RADIL: variants seen among roughly 807,000 people sequenced by gnomAD.
RADIL encodes the protein ras-associating and dilute domain-containing protein.
In RADIL, 99 loss-of-function variants were observed where a neutral mutation model predicts 97.6. That is an observed-to-expected ratio of 1.01 (90% confidence interval 0.86 to 1.20). RADIL has a LOEUF of 1.20. Ranked by LOEUF, RADIL falls within the 50% of genes most tolerant of loss-of-function variation. RADIL has a pLI of 0.00. For synonymous variants in RADIL, 803 were observed against 691.8 expected, an observed-to-expected ratio of 1.16 and a Z score of -2.52; for missense variants, 1,765 against 1,498.9, an observed-to-expected ratio of 1.18 and a Z score of -2.93.
At chr7:4,820,927 G>C (rs889769811) in intron 6 of RADIL, among the ~76,000 whole-genome samples, 2 of 152,142 alleles carry the variant, frequency 1.3e-5, no homozygotes, top group Non-Finnish European at 2.9e-5. Context: ...CCTAAGGCAT[G>C]GGGGGGCACA....
In RADIL at chr7:4,803,574, C is replaced by T. The variant is rs919918622; in HGVS notation, c.2471G>A (p.Ser824Asn). 4.5e-6 allele frequency: 7 copies of T among 1,545,522 alleles called. No homozygotes were observed. Among genetic ancestry groups the T allele is most frequent in the Admixed American group, 2.0e-5 (1 of 50,920 alleles). Reference protein sequence around the residue: ...ASPGSPGRPGSGASQPVCPEG... With the variant: ...ASPGSPGRPGNGASQPVCPEG... The stretch of plus-strand genomic sequence containing the variant: ...GGGGCACACTGGCTGGGAGGCCCCA[C>T]TGCCAGGCCTGCCAGGGCTGCCGGG... The change falls in exon 11 of 15, where the codon AGT becomes AAT. Residue 824 changes from serine to asparagine, a missense_variant. Coordinates refer to ENST00000399583, the MANE Select transcript of RADIL (RefSeq NM_018059.5).
intron 10 of RADIL, chr7:4,803,992 A>G: frequency 1.7e-6 from 1 of 597,086 alleles, no homozygotes. Context: ...GACTGAGAAC[A>G]AGGCCTTGTA....
chr7:4,862,059 C>G (rs938031620), intron 2 of RADIL: 6 of 381,906 alleles, frequency 1.6e-5, no homozygotes, highest in Non-Finnish European at 2.8e-5. Flanking sequence ...CCTGCGCACC[C>G]GCCGCCAGCG....
intron 13 of RADIL, 48 bp from the exon 14 acceptor site, chr7:4,799,817 C>A (rs1433255219): frequency 3.4e-6 from 5 of 1,453,746 alleles, no homozygotes; most frequent in Non-Finnish European, 4.5e-6. Context: ...GACTGGCTGT[C>A]CCCAGCGAGG....
In RADIL at chr7:4,848,743, G is replaced by A. The variant is rs908928741; in HGVS notation, c.536-12138C>T. 3.3e-5 allele frequency among the ~76,000 whole-genome samples: 5 copies of A among 152,228 alleles called. 1 individual carries two copies. Among genetic ancestry groups the A allele is most frequent in the Middle Eastern group, 6.8e-3 (2 of 294 alleles). The stretch of plus-strand genomic sequence containing the variant: ...ATAGGAATTGGAAATTTGGAGAGGC[G>A]GGTGGTGAAAAGACCTAAGTTCTCA... On this transcript the variant is annotated intron_variant, in intron 2 of 14. Transcript: ENST00000399583.
At chr7:4,876,404 G>A (rs1212253899) in intron 2 of RADIL, among the ~76,000 whole-genome samples, 2 of 151,918 alleles carry the variant, frequency 1.3e-5, no homozygotes, top group South Asian at 2.1e-4. Context: ...AGGTTCAAGC[G>A]ATTCTCCTGC....
At chr7:4,833,813 T>C (rs2115000485) in intron 4 of RADIL, among the ~76,000 whole-genome samples, 1 of 152,168 alleles carries the variant, frequency 6.6e-6, no homozygotes, top group Admixed American at 6.5e-5. Context: ...GCCATGACTG[T>C]GTGATGCCTG....
Position 4,880,969 on chromosome 7 carries a change from G to A in RADIL, c.-65+2627C>T, listed in dbSNP as rs1784471382. Reference sequence around the variant, plus strand: ...AAATAAAAAATTAGCTGGGCATGGTGTGCACCTGTAGTCCCAGCTACTCGG... The same window carrying A: ...AAATAAAAAATTAGCTGGGCATGGTATGCACCTGTAGTCCCAGCTACTCGG... On this transcript the variant is annotated intron_variant, in intron 1 of 14. Transcript: ENST00000399583. The surrounding 1 kb of genome is among the most constrained non-coding windows in gnomAD (Gnocchi z 4.5). 6.6e-6 allele frequency among the ~76,000 whole-genome samples: 1 copy of A among 152,044 alleles called. No homozygotes were observed. Among genetic ancestry groups the A allele is most frequent in the Admixed American group, 6.6e-5 (1 of 15,252 alleles).
intron 2 of RADIL, chr7:4,865,663 G>C: frequency 1.1e-6 from 1 of 945,898 alleles, no homozygotes; most frequent in Non-Finnish European, 1.7e-6. Context: ...CATTCACTTT[G>C]ATCCTTTCTT....
Position 4,821,593 on chromosome 7 carries a change from G to C in RADIL, c.1615+801C>G, listed in dbSNP as rs2011679. Among the ~76,000 whole-genome samples, 31,096 of 152,096 alleles carry C rather than the reference G, an allele frequency of 0.2. 3,986 individuals are homozygous for C. The highest frequency in any genetic ancestry group is 0.36 in the African/African-American group (14,751 of 41,450). On this transcript the variant is annotated intron_variant, in intron 6 of 14. Coordinates refer to ENST00000399583, the MANE Select transcript of RADIL (RefSeq NM_018059.5). This position sits in a 1 kb window ranked among gnomAD's most constrained non-coding sequence, Gnocchi z 5.2. ...AAATCCTGAAATGGTGGCCAGGCAC[G>C]GTGGCTCATGCCTGTAATCCCAGCA...
chr7:4,801,574 A>G, intron 12 of RADIL, 79 bp downstream of exon 12: 1 of 1,440,990 alleles, frequency 6.9e-7, no homozygotes, highest in Non-Finnish European at 9.3e-7. Flanking sequence ...CAAGGGGGGA[A>G]CGATCCCAGG....
At chr7:4,863,829 T>C (rs1784076163) in intron 2 of RADIL, among the ~76,000 whole-genome samples, 1 of 152,246 alleles carries the variant, frequency 6.6e-6, no homozygotes, top group Admixed American at 6.5e-5. Context: ...AAGAGCTTTC[T>C]GTCTCTTCTT....
intron 9 of RADIL, 149 bp from the exon 10 acceptor site, chr7:4,805,865 G>A: frequency 7.2e-7 from 1 of 1,390,532 alleles, no homozygotes; most frequent in Non-Finnish European, 9.3e-7. Flanking sequence ...GAGGGGGACG[G>A]TGTCACAGCA....
rs397889423 is a variant in RADIL at position 4,831,577 on chromosome 7, C to CAAA, written c.1454+561_1454+563dup. On this transcript the variant is annotated intron_variant, in intron 5 of 14. Coordinates refer to ENST00000399583, the MANE Select transcript of RADIL (RefSeq NM_018059.5). Reference sequence around the variant, plus strand: ...AAACTAATAAAATTGTGAAGATTCTCAAAAAAAAAAAAAAAAAAAAAGCCA... The same window carrying CAAA: ...AAACTAATAAAATTGTGAAGATTCTCAAAAAAAAAAAAAAAAAAAAAAAAGCCA... Among the ~76,000 whole-genome samples, 124 of 77,812 alleles carry CAAA rather than the reference C, an allele frequency of 1.6e-3. 1 individual carries two copies. Among genetic ancestry groups the CAAA allele is most frequent in the African/African-American group, 3.8e-3 (82 of 21,612 alleles). 51.0% of individuals were successfully genotyped at this position (77,812 alleles called of 152,430 possible).
At chr7:4,800,566 C>T (rs1396639520) in intron 12 of RADIL, among the ~76,000 whole-genome samples, 3 of 152,144 alleles carry the variant, frequency 2.0e-5, no homozygotes, top group Non-Finnish European at 4.4e-5. Flanking sequence ...ACACTCGCCC[C>T]TCTGGGGGCG....
Position 4,849,138 on chromosome 7 carries a change from C to CAAA in RADIL, c.536-12536_536-12534dup, listed in dbSNP as rs199947712. On this transcript the variant is annotated intron_variant, in intron 2 of 14. Coordinates refer to ENST00000399583, the MANE Select transcript of RADIL (RefSeq NM_018059.5). This position sits in a 1 kb window ranked among gnomAD's most constrained non-coding sequence, Gnocchi z 5.4. ...GGGCAACAAGAGGGAAATTCTGTCT[C>CAAA]AAAAAAAAAAAAAAAAAGGGAATTA... is the stretch of plus-strand genomic sequence containing the variant. Among the ~76,000 whole-genome samples, 2 of 120,598 alleles carry CAAA rather than the reference C, an allele frequency of 1.7e-5. No homozygotes were observed. Among genetic ancestry groups the CAAA allele is most frequent in the African/African-American group, 2.8e-5 (1 of 35,700 alleles). The allele number at this position is 120,598 out of a possible 152,430, so 79.1% of individuals were successfully genotyped here.
chr7:4,860,002 A>T (rs1454878556), intron 2 of RADIL: 1 of 1,614,018 alleles, frequency 6.2e-7, no homozygotes, highest in Non-Finnish European at 8.5e-7. Flanking sequence ...GTGATGGAGA[A>T]ATGGCAGGCT....
At position 4,830,139 on chromosome 7, in the gene RADIL, G is replaced by C. The variant is rs1422580866; in HGVS notation, c.1454+2002C>G. ...CTGTGAGTATCATACGTACGTGTGTGTGCGTGTGGGCATTTAACCATATCA... is the reference window on the plus strand; with the variant it reads ...CTGTGAGTATCATACGTACGTGTGTCTGCGTGTGGGCATTTAACCATATCA... On this transcript the variant is annotated intron_variant, in intron 5 of 14. Coordinates refer to ENST00000399583, the MANE Select transcript of RADIL (RefSeq NM_018059.5). 3.9e-5 allele frequency among the ~76,000 whole-genome samples: 6 copies of C among 152,344 alleles called. No homozygotes were observed. In the East Asian group the frequency reaches 1.2e-3, roughly 29 times the overall value.
At position 4,860,628 on chromosome 7, in the gene RADIL, C is replaced by T; in HGVS notation, c.535+16977G>A. ...ACCAGGATTCGGATCTTTGATTCCA[C>T]CAAGCCCACCCATTCTAAATGTTGT... On this transcript the variant is annotated intron_variant, in intron 2 of 14. Transcript: ENST00000399583. The T allele has an allele frequency of 6.2e-7, 1 of 1,614,142 alleles. No homozygotes were observed.
Sources: allele counts gnomAD v4.1 joint callset (sites outside exome capture counted in the v4.1 genomes callset), GRCh38; gene constraint gnomAD v4.1.1; non-coding constraint Gnocchi (gnomAD v3.1); transcripts MANE v1.5; gene names NCBI Gene and HGNC (gene_info 2026-07-23, HGNC 2026-07-21).